The following OLFM3 variants were observed in gnomAD, a reference collection of about 807,000 sequenced individuals.
The protein encoded by OLFM3 is olfactomedin 3.
OLFM3 carries 20 observed loss-of-function variants against 48.6 expected under a neutral mutation model. The ratio of observed to expected loss-of-function variants is 0.41; its 90% CI spans 0.29 to 0.60. The LOEUF (loss-of-function observed/expected upper bound fraction) is 0.60. Ranked by LOEUF, OLFM3 falls within the 20% of genes least tolerant of loss-of-function variation. The pLI is 0.28. For missense variants in OLFM3, 437 were observed against 544.3 expected, an observed-to-expected ratio of 0.80 and a Z score of 1.96; for synonymous variants, 222 against 198.1, an observed-to-expected ratio of 1.12 and a Z score of -1.01.
At chr1:101,993,992 A>T (rs912808303) in intron 1 of OLFM3, among the ~76,000 whole-genome samples, 2 of 151,620 alleles carry the variant, frequency 1.3e-5, no homozygotes, top group African/African-American at 2.4e-5. Context: ...TATAAATGTA[A>T]ACATTATATA....
chr1:101,928,218 C>A (rs957526140), intron 1 of OLFM3, among the ~76,000 whole-genome samples: 2 of 152,104 alleles, frequency 1.3e-5, no homozygotes, highest in Non-Finnish European at 2.9e-5. Flanking sequence ...ACATCTTTGA[C>A]CACTGCCGTG....
intron 1 of OLFM3, among the ~76,000 whole-genome samples, chr1:101,944,959 T>C (rs1932850): frequency 0.07 from 10,632 of 152,066 alleles, 443 homozygotes; most frequent in South Asian, 0.14. Context: ...GTATTATTTG[T>C]CATTGGGAAA....
intron 1 of OLFM3, among the ~76,000 whole-genome samples, chr1:101,983,939 T>C (rs550777226): frequency 6.6e-6 from 1 of 152,262 alleles, no homozygotes; most frequent in Non-Finnish European, 1.5e-5. Context: ...AAGGAAAAAA[T>C]TGAATCATAG....
intron 1 of OLFM3, among the ~76,000 whole-genome samples, chr1:101,975,572 T>C (rs1327580622): frequency 6.6e-6 from 1 of 152,194 alleles, no homozygotes; most frequent in African/African-American, 2.4e-5. Context: ...ATCAATGTTT[T>C]CTTGAGGATA....
intron 1 of OLFM3, among the ~76,000 whole-genome samples, chr1:101,989,837 C>A (rs539051023): frequency 2.3e-4 from 35 of 152,250 alleles, no homozygotes; most frequent in African/African-American, 8.4e-4. Flanking sequence ...TTCCTAAATG[C>A]GGTCTTTTCT....
chr1:101,897,192 A>T (rs1658237998), intron 1 of OLFM3, among the ~76,000 whole-genome samples: 1 of 152,190 alleles, frequency 6.6e-6, no homozygotes, highest in African/African-American at 2.4e-5. Flanking sequence ...GAAAGAAATC[A>T]AATGTTTATG....
At chr1:101,862,397 G>A (rs1481058262) in intron 1 of OLFM3, among the ~76,000 whole-genome samples, 1 of 152,144 alleles carries the variant, frequency 6.6e-6, no homozygotes, top group Non-Finnish European at 1.5e-5. Flanking sequence ...ATAAAATGAA[G>A]CAATGTACAT....
intron 1 of OLFM3, among the ~76,000 whole-genome samples, chr1:101,868,764 C>T (rs12040289): frequency 0.066 from 10,043 of 152,192 alleles, 794 homozygotes; most frequent in East Asian, 0.32. Flanking sequence ...GGGCTGGGCC[C>T]AGGCTTCCCC....
At chr1:101,868,203 T>A (rs1249599448) in intron 1 of OLFM3, among the ~76,000 whole-genome samples, 1 of 152,068 alleles carries the variant, frequency 6.6e-6, no homozygotes, top group African/African-American at 2.4e-5. Flanking sequence ...ATACTCAAAA[T>A]GTGGAAGCAA....
chr1:101,826,129 A>AACACACACACACACACACAC lies in OLFM3; in HGVS notation c.373-904_373-885dup, dbSNP rs66617960. Among the ~76,000 whole-genome samples the AACACACACACACACACACAC allele has an allele frequency of 2.3e-5, 3 of 132,986 alleles. 1 individual carries two copies. The highest frequency in any genetic ancestry group is 8.7e-5 in the African/African-American group (3 of 34,416). The allele number at this position is 132,986 out of a possible 152,430, so 87.2% of individuals were successfully genotyped here. A position where few individuals can be genotyped will look rare whatever the true frequency, so the allele number is the denominator to read the frequency against. Reference sequence around the variant, plus strand: ...GAAACTGAAGCATTGACTTTCGTCAAACACACACACACACACACACACACA... The same window carrying AACACACACACACACACACAC: ...GAAACTGAAGCATTGACTTTCGTCAAACACACACACACACACACACACACACACACACACACACACACACA... On this transcript the variant is annotated intron_variant, in intron 3 of 5. Transcript: ENST00000370103.
Position 101,968,269 on chromosome 1 carries a change from C to A in OLFM3, c.69+28479G>T, listed in dbSNP as rs1193458197. On this transcript the variant is annotated intron_variant, in intron 1 of 5. Coordinates refer to ENST00000370103, the MANE Select transcript of OLFM3 (RefSeq NM_058170.4). ...ACTAGTTTGAATGGTCCCATCACAT[C>A]CTTTTTACAATTGCTCTCCTCATCC... Among the ~76,000 whole-genome samples, 2 of 152,154 alleles carry A rather than the reference C, an allele frequency of 1.3e-5. 1 individual carries two copies. Among genetic ancestry groups the A allele is most frequent in the South Asian group, 4.1e-4 (2 of 4,834 alleles).
chr1:101,870,607 C>G (rs925543211), intron 1 of OLFM3, among the ~76,000 whole-genome samples: 1 of 152,084 alleles, frequency 6.6e-6, no homozygotes, highest in Admixed American at 6.6e-5. Flanking sequence ...ATATTACAGA[C>G]TGTTAATGGT....
chr1:101,902,371 C>T (rs10874527), intron 1 of OLFM3, among the ~76,000 whole-genome samples: 68,125 of 151,796 alleles, frequency 0.45, 15,485 homozygotes, highest in East Asian at 0.59. Context: ...TTTCCATAAG[C>T]TTGGCAGCAA....
chr1:101,914,114 G>A (rs1321923687), intron 1 of OLFM3, among the ~76,000 whole-genome samples: 1 of 152,170 alleles, frequency 6.6e-6, no homozygotes, highest in South Asian at 2.1e-4. Context: ...ATGGGGACAT[G>A]CATAATTAAT....
At position 101,861,358 on chromosome 1, in the gene OLFM3, G is replaced by A. The variant is rs144242096; in HGVS notation, c.70-24333C>T. On this transcript the variant is annotated intron_variant, in intron 1 of 5. Coordinates refer to ENST00000370103, the MANE Select transcript of OLFM3 (RefSeq NM_058170.4). ...ATTACAGGCATGAGCCACCGTGCCC[G>A]GAGATTTGATTATACTTTTGTCTGT... is the stretch of plus-strand genomic sequence containing the variant. Among the ~76,000 whole-genome samples, 85 of 151,696 alleles carry A rather than the reference G, an allele frequency of 5.6e-4. 2 individuals are homozygous for A. In the East Asian group the frequency reaches 7.9e-3, roughly 14 times the overall value.
intron 1 of OLFM3, among the ~76,000 whole-genome samples, chr1:101,916,901 T>C (rs1003452442): frequency 6.6e-6 from 1 of 152,106 alleles, no homozygotes; most frequent in Non-Finnish European, 1.5e-5. Flanking sequence ...AGCATCAGAG[T>C]TCTGAACAGG....
At position 101,944,685 on chromosome 1, in the gene OLFM3, G is replaced by A. The variant is rs573147972; in HGVS notation, c.69+52063C>T. Among the ~76,000 whole-genome samples the A allele has an allele frequency of 2.1e-4, 32 of 152,156 alleles. 2 individuals are homozygous for A. The South Asian group carries it at 5.6e-3, about 27-fold the overall frequency. ...ACCTGAGGGTAAGGAGTTGAAACCA[G>A]GCTGGTCAACATGGCGAAACCCCAT... is the stretch of plus-strand genomic sequence containing the variant. On this transcript the variant is annotated intron_variant, in intron 1 of 5. Transcript: ENST00000370103.
intron 1 of OLFM3, among the ~76,000 whole-genome samples, chr1:101,911,463 T>C (rs1199832653): frequency 6.6e-6 from 1 of 152,134 alleles, no homozygotes; most frequent in East Asian, 1.9e-4. Context: ...AGAAAGGGAC[T>C]TACTTTAAAG....
chr1:101,908,063 C>T (rs2101025100), intron 1 of OLFM3, among the ~76,000 whole-genome samples: 1 of 152,262 alleles, frequency 6.6e-6, no homozygotes, highest in East Asian at 1.9e-4. Flanking sequence ...CAAATTGTAA[C>T]AAATACACTT....
Sources: gnomAD v4.1 joint callset for allele counts (sites outside exome capture counted in the v4.1 genomes callset) on GRCh38, gnomAD v4.1.1 for gene constraint, MANE v1.5 for transcripts, NCBI Gene and HGNC (gene_info 2026-07-23, HGNC 2026-07-21) for gene names.